The following FHIT variants were observed in gnomAD, a reference collection of about 807,000 sequenced individuals.
FHIT encodes the protein fragile histidine triad diadenosine triphosphatase.
A neutral mutation model predicts 17.9 loss-of-function variants in FHIT; 19 were observed. The ratio of observed to expected loss-of-function variants is 1.06; its 90% CI spans 0.74 to 1.56. The LOEUF is 1.56. Ranked by LOEUF, FHIT falls within the 40% of genes most tolerant of loss-of-function variation. The probability of loss-of-function intolerance (pLI) is 0.00; values close to 1 mark genes in which losing one functional copy is unlikely to be tolerated. For synonymous variants in FHIT, 81 were observed against 69.7 expected, an observed-to-expected ratio of 1.16 and a Z score of -0.81; for missense variants, 248 against 189.2, an observed-to-expected ratio of 1.31 and a Z score of -1.82.
intron 5 of FHIT, among the ~76,000 whole-genome samples, chr3:60,120,644 T>C (rs974575237): frequency 2.0e-5 from 3 of 152,078 alleles, no homozygotes; most frequent in African/African-American, 4.8e-5. Context: ...CAGCATTTTT[T>C]AAAGGAAGTA....
intron 2 of FHIT, among the ~76,000 whole-genome samples, chr3:61,054,552 A>T (rs1447797349): frequency 6.6e-6 from 1 of 152,124 alleles, no homozygotes; most frequent in Non-Finnish European, 1.5e-5. Context: ...TTTTTGACCA[A>T]CCAATGTTTT....
chr3:59,888,148 T>C (rs898735097), intron 8 of FHIT, among the ~76,000 whole-genome samples: 1 of 152,160 alleles, frequency 6.6e-6, no homozygotes, highest in Non-Finnish European at 1.5e-5. Flanking sequence ...GGAAGGAGTA[T>C]GCTTTCTTTA....
At chr3:59,977,761 G>T (rs1708479257) in intron 7 of FHIT, among the ~76,000 whole-genome samples, 1 of 152,112 alleles carries the variant, frequency 6.6e-6, no homozygotes, top group Non-Finnish European at 1.5e-5. Context: ...TCTATCTGTA[G>T]CTCCAGGACA....
intron 4 of FHIT, among the ~76,000 whole-genome samples, chr3:60,686,533 C>CT (rs144413729): frequency 0.1 from 15,650 of 150,754 alleles, 1,652 homozygotes; most frequent in African/African-American, 0.27. Flanking sequence ...GCTCTGGTTG[C>CT]TTTTTTTTTA....
chr3:60,767,828 C>T (rs782056482), intron 4 of FHIT, among the ~76,000 whole-genome samples: 4 of 152,146 alleles, frequency 2.6e-5, no homozygotes, highest in Non-Finnish European at 2.9e-5. Context: ...GACTGTGTGG[C>T]CTGAGCTGCC....
chr3:60,534,746 T>A (rs1353235252), intron 5 of FHIT, among the ~76,000 whole-genome samples: 1 of 152,164 alleles, frequency 6.6e-6, no homozygotes, highest in Non-Finnish European at 1.5e-5. Flanking sequence ...CCCTTGGTAT[T>A]TACTCAAATA....
intron 5 of FHIT, among the ~76,000 whole-genome samples, chr3:60,045,354 G>A (rs1388388006): frequency 6.6e-6 from 1 of 152,106 alleles, no homozygotes; most frequent in Non-Finnish European, 1.5e-5. Flanking sequence ...CAGAAGACAA[G>A]GAGGAGCAAG....
intron 4 of FHIT, among the ~76,000 whole-genome samples, chr3:60,718,100 A>G (rs1577111235): frequency 1.3e-5 from 2 of 152,290 alleles, no homozygotes; most frequent in Non-Finnish European, 2.9e-5. Flanking sequence ...CTTGAAATTT[A>G]TTTAGCCATA....
chr3:59,973,083 T>G (rs897089721), intron 7 of FHIT, among the ~76,000 whole-genome samples: 1 of 152,102 alleles, frequency 6.6e-6, no homozygotes, highest in African/African-American at 2.4e-5. Context: ...GGTTTCTCAA[T>G]TCTGGTGCTT....
At chr3:60,141,422 C>T (rs2107300947) in intron 5 of FHIT, among the ~76,000 whole-genome samples, 1 of 147,388 alleles carries the variant, frequency 6.8e-6, no homozygotes, top group Middle Eastern at 3.5e-3. Context: ...TTACAAATAA[C>T]TGAGCCAAAT....
intron 3 of FHIT, among the ~76,000 whole-genome samples, chr3:60,981,388 T>A (rs1379231638): frequency 6.9e-6 from 1 of 145,668 alleles, no homozygotes; most frequent in East Asian, 2.2e-4. Context: ...CACTGCAATC[T>A]CCACCTCCCA....
At chr3:60,783,306 C>A (rs1700455991) in intron 4 of FHIT, among the ~76,000 whole-genome samples, 1 of 152,142 alleles carries the variant, frequency 6.6e-6, no homozygotes, top group Non-Finnish European at 1.5e-5. Flanking sequence ...CCAAGGAACA[C>A]CAGTGTGGCT....
At chr3:60,190,630 G>C (rs1169157533) in intron 5 of FHIT, among the ~76,000 whole-genome samples, 1 of 151,870 alleles carries the variant, frequency 6.6e-6, no homozygotes, top group African/African-American at 2.4e-5. Flanking sequence ...TGGGGGAGCA[G>C]GGAGGGATAG....
intron 5 of FHIT, among the ~76,000 whole-genome samples, chr3:60,098,920 G>T (rs982330281): frequency 8.5e-5 from 13 of 152,218 alleles, no homozygotes; most frequent in Middle Eastern, 3.4e-3. Flanking sequence ...ATGTTCAAGG[G>T]TCAGTTGTAT....
In FHIT at chr3:60,744,251, A is replaced by C. The variant is rs1469234933; in HGVS notation, c.-18+77668T>G. The stretch of plus-strand genomic sequence containing the variant: ...TTTGCAAATTGGAAGTAATGTAAAA[A>C]AAAAAACAAAACAAAACAAAAAAAA... On this transcript the variant is annotated intron_variant, in intron 4 of 9. Coordinates refer to ENST00000492590, the MANE Select transcript of FHIT (RefSeq NM_002012.4). 4.9e-4 allele frequency among the ~76,000 whole-genome samples: 33 copies of C among 67,648 alleles called. 1 individual carries two copies. The South Asian group carries it at 0.017, about 35-fold the overall frequency. 44.4% of individuals were successfully genotyped at this position (67,648 alleles called of 152,430 possible). A position where few individuals can be genotyped will look rare whatever the true frequency, so the allele number is the denominator to read the frequency against.
At chr3:60,782,050 ACT>A (rs1553725808) in intron 4 of FHIT, among the ~76,000 whole-genome samples, 1 of 151,280 alleles carries the variant, frequency 6.6e-6, no homozygotes, top group Non-Finnish European at 1.5e-5. Flanking sequence ...CCACCATTCT[ACT>A]CTCTGCTTCT....
At chr3:60,827,511 C>T (rs980197006) in intron 3 of FHIT, among the ~76,000 whole-genome samples, 5 of 152,126 alleles carry the variant, frequency 3.3e-5, no homozygotes, top group Non-Finnish European at 7.4e-5. Context: ...TGCTATTTTG[C>T]GCCTTTGAAT....
rs115871514 is a variant in FHIT, at chr3:60,401,065, G to A, written c.103+135795C>T. ...CATTGATACGGCTGGCCTGCCCCTG[G>A]AGACACCCAATTCTGCAGCCCCTGG... On this transcript the variant is annotated intron_variant, in intron 5 of 9. Coordinates refer to ENST00000492590, the MANE Select transcript of FHIT (RefSeq NM_002012.4). Among the ~76,000 whole-genome samples, 607 of 152,126 alleles carry A rather than the reference G, an allele frequency of 4.0e-3. 7 individuals carry two copies. The highest frequency in any genetic ancestry group is 0.014 in the African/African-American group (587 of 41,524).
chr3:60,131,988 A>T (rs1307189823), intron 5 of FHIT, among the ~76,000 whole-genome samples: 1 of 152,158 alleles, frequency 6.6e-6, no homozygotes, highest in East Asian at 1.9e-4. Flanking sequence ...CCAGTTGTCA[A>T]ACAGACTGAG....
Sources: gnomAD v4.1 joint callset for allele counts (sites outside exome capture counted in the v4.1 genomes callset) on GRCh38, gnomAD v4.1.1 for gene constraint, MANE v1.5 for transcripts, NCBI Gene and HGNC (gene_info 2026-07-23, HGNC 2026-07-21) for gene names.